Variants in ZFYVE26 observed in about 807,000 individuals in gnomAD.
The protein encoded by ZFYVE26 is zinc finger FYVE domain-containing protein 26.
ZFYVE26 carries 181 observed loss-of-function variants against 276.5 expected under a neutral mutation model. That is an observed-to-expected ratio of 0.65 (90% CI 0.58 to 0.74). The LOEUF (loss-of-function observed/expected upper bound fraction) is 0.74. Ranked by LOEUF, ZFYVE26 falls within the 30% of genes least tolerant of loss-of-function variation. The pLI, the probability that ZFYVE26 is intolerant of heterozygous loss-of-function variation, is 0.00. For missense variants in ZFYVE26, 2,821 were observed against 3,097.9 expected (o/e 0.91, Z 2.12); for synonymous variants, 1,129 against 1,203.1 (o/e 0.94, Z 1.27).
At chr14:67,758,264 G>C (rs1234802773) in intron 35 of ZFYVE26, among the ~76,000 whole-genome samples, 1 of 152,176 alleles carries the variant, frequency 6.6e-6, no homozygotes, top group Non-Finnish European at 1.5e-5. Flanking sequence ...GATTCAGGTT[G>C]TTCCTAACAG....
intron 12 of ZFYVE26, among the ~76,000 whole-genome samples, chr14:67,795,495 C>T (rs958102383): frequency 6.6e-6 from 1 of 152,208 alleles, no homozygotes; most frequent in African/African-American, 2.4e-5. Context: ...GGTCGCAGGT[C>T]ACTTTAAACT....
chr14:67,748,621 A>G lies in ZFYVE26; in HGVS notation c.7435T>C (p.Cys2479Arg), dbSNP rs755270814. ...AAGTAGGCAGAACGCAGTTTGCAAC[A>G]TATCAGGTAGGCCCGAACCTGGCAG... ...DDNKVRAYLI[C>R]CKLRSAYLIA... is the part of the protein sequence containing the mutation. Residue 2479 changes from cysteine to arginine, a missense_variant, in exon 42 of 42, where the codon TGT (cysteine) becomes CGT (arginine). Physicochemically the swap from Cys to Arg is radical, Grantham distance 180 (BLOSUM62 -3). Coordinates refer to ENST00000347230, the MANE Select transcript of ZFYVE26 (RefSeq NM_015346.4). 1.9e-6 allele frequency: 3 copies of G among 1,614,082 alleles called. No homozygotes were observed. Among genetic ancestry groups the G allele is most frequent in the Admixed American group, 1.7e-5 (1 of 60,034 alleles).
chr14:67,730,834 C>T (rs950444592), intron 13 of ZFYVE26, among the ~76,000 whole-genome samples: 1 of 152,156 alleles, frequency 6.6e-6, no homozygotes, highest in African/African-American at 2.4e-5. Context: ...GAACTCCTGA[C>T]GTCAGTTGAT....
In ZFYVE26 at chr14:67,807,883, T is replaced by G. The variant is rs775232283; in HGVS notation, c.401A>C (p.His134Pro). Reference sequence around the variant, plus strand: ...CCTCCTTGGATTTCCGTCAGGCACGTGGCCTACTGCACCCTGTGTTAAGGT... The same window carrying G: ...CCTCCTTGGATTTCCGTCAGGCACGGGGCCTACTGCACCCTGTGTTAAGGT... The part of the protein sequence containing the change: ...YETLTQGAVG[H>P]VPDGNPRRES... Residue 134 changes from histidine to proline, a missense_variant, in exon 5 of 42, where the codon CAC becomes CCC. By Grantham distance (77) the His-to-Pro change is moderately conservative. Coordinates refer to ENST00000347230, the MANE Select transcript of ZFYVE26 (RefSeq NM_015346.4). 22 of 1,614,012 alleles carry G rather than the reference T, an allele frequency of 1.4e-5. No homozygotes were observed. The African/African-American group carries it at 2.3e-4, about 17-fold the overall frequency.
chr14:67,813,876 T>C, intron 3 of ZFYVE26, 110 bp downstream of exon 3: 1 of 798,346 alleles, frequency 1.3e-6, no homozygotes, highest in Non-Finnish European at 2.2e-6. Flanking sequence ...AGAATGAGTA[T>C]GATGAATTTA....
In ZFYVE26 at chr14:67,765,498, A is replaced by G. The variant is rs77956064; in HGVS notation, c.6011+729T>C. On this transcript the variant is annotated intron_variant, in intron 32 of 41. Coordinates refer to ENST00000347230, the MANE Select transcript of ZFYVE26 (RefSeq NM_015346.4). ...AGTCTGTAGGCAAGTATTCCAAGCA[A>G]ATGTCTGAGGGAGGCAATGATACCG... Among the ~76,000 whole-genome samples the G allele has an allele frequency of 3.2e-3, 483 of 152,240 alleles. 17 individuals carry two copies. In the East Asian group the frequency reaches 0.079, roughly 25 times the overall value.
intron 27 of ZFYVE26, among the ~76,000 whole-genome samples, chr14:67,773,640 A>G (rs1416132353): frequency 6.6e-6 from 1 of 151,908 alleles, no homozygotes; most frequent in Non-Finnish European, 1.5e-5. Context: ...AGCTGCTCAT[A>G]TACTTGCAAG....
At chr14:67,798,963 G>A in intron 10 of ZFYVE26, 1 of 1,129,228 alleles carries the variant, frequency 8.9e-7, no homozygotes, top group Non-Finnish European at 1.3e-6. Flanking sequence ...CCGCGGTTTC[G>A]GTGGGAGGGG....
downstream of ZFYVE26, among the ~76,000 whole-genome samples, chr14:67,741,752 T>C (rs1318884643): frequency 6.6e-6 from 1 of 152,234 alleles, no homozygotes; most frequent in Non-Finnish European, 1.5e-5. Context: ...GCACTACTAT[T>C]TGAAAACGTG....
exon 14 of ZFYVE26, chr14:67,729,441 T>A: frequency 6.6e-7 from 1 of 1,524,022 alleles, no homozygotes; most frequent in African/African-American, 1.4e-5. Context: ...CCGGACTCGC[T>A]GGGCTGTTCA....
chr14:67,813,071 A>G (rs529251059), intron 3 of ZFYVE26, among the ~76,000 whole-genome samples: 29 of 152,374 alleles, frequency 1.9e-4, no homozygotes, highest in South Asian at 4.1e-4. Flanking sequence ...CAGCTCTGTG[A>G]GGAACGATAA....
intron 13 of ZFYVE26, among the ~76,000 whole-genome samples, chr14:67,737,165 G>A (rs1296811315): frequency 7.0e-6 from 1 of 143,406 alleles, no homozygotes; most frequent in African/African-American, 2.6e-5. Flanking sequence ...CTGGGCTCAA[G>A]CAATCTTCCT....
rs775914374 is a variant in ZFYVE26, at chr14:67,769,762, G to A, written c.5485-32C>T. 6 of 1,613,624 alleles carry A rather than the reference G, an allele frequency of 3.7e-6. No homozygotes were observed. In the African/African-American group the frequency reaches 8.0e-5, roughly 22 times the overall value. On this transcript the variant is annotated intron_variant, in intron 28 of 41. Transcript: ENST00000347230. ...AATGCCATCAGGAGGAGAAGAAAGA[G>A]GGAGGAGAGAAGGGGAGATTGCCAT...
At chr14:67,744,644 A>G (rs1294138164), downstream of ZFYVE26, among the ~76,000 whole-genome samples, 1 of 152,054 alleles carries the variant, frequency 6.6e-6, no homozygotes, top group Admixed American at 6.5e-5. Context: ...ACTTCCACTT[A>G]TGAGTGAGAA....
chr14:67,774,967 G>T, intron 27 of ZFYVE26, 49 bp downstream of exon 27: 1 of 1,334,574 alleles, frequency 7.5e-7, no homozygotes, highest in Non-Finnish European at 1.1e-6. Context: ...ATAGAATAAG[G>T]CAAGACTAAA....
Position 67,782,733 on chromosome 14 carries a change from C to A in ZFYVE26, c.4372+47G>T, listed in dbSNP as rs755074068. On this transcript the variant is annotated intron_variant, in intron 21 of 41. Transcript: ENST00000347230. The stretch of plus-strand genomic sequence containing the variant: ...AATGTGATAATATACCCAGTGAATA[C>A]CAAATATTACCACTAGTGAAAAAGG... 9.3e-6 allele frequency: 15 copies of A among 1,611,418 alleles called. No homozygotes were observed. In the East Asian group the frequency reaches 3.3e-4, roughly 36 times the overall value.
chr14:67,810,522 G>C (rs1677530065), intron 3 of ZFYVE26, among the ~76,000 whole-genome samples: 1 of 152,182 alleles, frequency 6.6e-6, no homozygotes, highest in Middle Eastern at 3.4e-3. Context: ...CTTTACTAGA[G>C]GTAAAATGGT....
chr14:67,780,161 G>T, intron 23 of ZFYVE26, 80 bp downstream of exon 23: 1 of 1,276,608 alleles, frequency 7.8e-7, no homozygotes, highest in Non-Finnish European at 1.1e-6. Context: ...TTGATATGCA[G>T]AAAGGGGCTT....
At chr14:67,732,445 A>G (rs1051519525) in intron 13 of ZFYVE26, among the ~76,000 whole-genome samples, 3 of 134,206 alleles carry the variant, frequency 2.2e-5, no homozygotes, top group Non-Finnish European at 4.8e-5. Flanking sequence ...AAAAAAAAAA[A>G]TCCTCCTCAA....
Sources: allele counts gnomAD v4.1 joint callset (sites outside exome capture counted in the v4.1 genomes callset), GRCh38; gene constraint gnomAD v4.1.1; transcripts MANE v1.5; gene names NCBI Gene and HGNC (gene_info 2026-07-23, HGNC 2026-07-21).